Variants in RPGRIP1L observed in about 807,000 individuals in gnomAD.
RPGRIP1L encodes the protein RPGRIP1 like.
RPGRIP1L carries 131 observed loss-of-function variants against 160.4 expected under a neutral mutation model. That is an observed-to-expected ratio of 0.82 (90% CI 0.71 to 0.94). The LOEUF (loss-of-function observed/expected upper bound fraction) is 0.94, where lower values mean the gene tolerates loss of function less well. RPGRIP1L is among the 40% of genes least tolerant of loss of function. The pLI, the probability that RPGRIP1L is intolerant of heterozygous loss-of-function variation, is 0.00. For missense variants in RPGRIP1L, 1,522 were observed against 1,535.8 expected (o/e 0.99, Z 0.15); for synonymous variants, 510 against 515.8 (o/e 0.99, Z 0.15).
intron 24 of RPGRIP1L, among the ~76,000 whole-genome samples, chr16:53,616,632 G>A (rs2150956689): frequency 6.6e-6 from 1 of 152,222 alleles, no homozygotes. Flanking sequence ...GCTAAAAAAA[G>A]TATAGTAAAC....
intron 22 of RPGRIP1L, among the ~76,000 whole-genome samples, chr16:53,625,671 T>A (rs1351993285): frequency 6.6e-6 from 1 of 152,188 alleles, no homozygotes; most frequent in East Asian, 1.9e-4. Flanking sequence ...GAACGGGCCA[T>A]GATGAGGATG....
intron 22 of RPGRIP1L, among the ~76,000 whole-genome samples, chr16:53,622,938 G>A (rs183001680): frequency 6.6e-5 from 10 of 152,134 alleles, no homozygotes; most frequent in Admixed American, 5.2e-4. Context: ...GGTTGGGGCT[G>A]TAGGGAGCCA....
At chr16:53,674,580 G>T (rs1351667141) in intron 7 of RPGRIP1L, among the ~76,000 whole-genome samples, 2 of 152,006 alleles carry the variant, frequency 1.3e-5, no homozygotes, top group South Asian at 4.1e-4. Context: ...TCAAATAAAA[G>T]AAAGTTTTAA....
At chr16:53,692,026 A>G (rs774319171) in intron 4 of RPGRIP1L, 40 bp downstream of exon 4, 19 of 1,592,952 alleles carry the variant, frequency 1.2e-5, no homozygotes, top group Admixed American at 3.3e-5. Context: ...AAACAATCTA[A>G]TAAGACTTCA....
intron 9 of RPGRIP1L, among the ~76,000 whole-genome samples, chr16:53,665,423 C>G (rs1414276194): frequency 2.0e-5 from 3 of 152,136 alleles, no homozygotes; most frequent in Admixed American, 6.6e-5. Flanking sequence ...ATCTTTAATT[C>G]TGTGAAACTT....
chr16:53,652,136 C>T (rs567345402), intron 15 of RPGRIP1L, among the ~76,000 whole-genome samples: 7 of 152,154 alleles, frequency 4.6e-5, no homozygotes, highest in South Asian at 4.1e-4. Context: ...AGTGCAGTGG[C>T]GCCATCTCAG....
rs532587002 is a variant in RPGRIP1L at position 53,625,070 on chromosome 16, A to G, written c.3295-2714T>C. ...CGGAGTCTCGCTCACTCAGTGCTCAATGTTGCCCAGGCTGGAGTGCAGTGG... is the reference window on the plus strand; with the variant it reads ...CGGAGTCTCGCTCACTCAGTGCTCAGTGTTGCCCAGGCTGGAGTGCAGTGG... On this transcript the variant is annotated intron_variant, in intron 22 of 26. Transcript: ENST00000647211. 2.4e-3 allele frequency among the ~76,000 whole-genome samples: 361 copies of G among 151,128 alleles called. 4 individuals carry two copies. The highest frequency in any genetic ancestry group is 0.01 in the Middle Eastern group (3 of 290).
chr16:53,605,698 C>T lies in RPGRIP1L; in HGVS notation c.3702-84G>A, dbSNP rs112586321. On this transcript the variant is annotated intron_variant, in intron 25 of 26. Transcript: ENST00000647211. ...AAAACTCCCAAATGGGGTGTTATCA[C>T]TAGGTATAAAATGTTAAAGTTTCCA... 1.4e-4 allele frequency: 194 copies of T among 1,386,400 alleles called. No individual in the cohort carries two copies. In the African/African-American group the frequency reaches 2.3e-3, roughly 16 times the overall value. The allele number at this position is 1,386,400 out of a possible 1,614,324, so 85.9% of individuals were successfully genotyped here.
In RPGRIP1L at chr16:53,641,326, G is replaced by A. The variant is rs79833796; in HGVS notation, c.2833C>T (p.Gln945Ter). Residue 945 changes from glutamine (Q) to a stop codon, truncating the protein, a stop_gained, in exon 18 of 27, where the codon CAA becomes TAA. Coordinates refer to ENST00000647211, the MANE Select transcript of RPGRIP1L (RefSeq NM_015272.5). LOFTEE classifies it high-confidence loss of function. ...FIRSEEPEVV[Q>*]RLPPASSVST... ...ACAGAGGATGCTGGAGGAAGTCTTT[G>A]AACAACTTCTGGCTCTTCGCTGCGA... 1.2e-6 allele frequency: 2 copies of A among 1,613,998 alleles called. No individual in the cohort carries two copies. Among genetic ancestry groups the A allele is most frequent in the African/African-American group, 1.3e-5 (1 of 75,014 alleles).
intron 25 of RPGRIP1L, 68 bp from the exon 26 acceptor site, chr16:53,605,682 A>C (rs931780999): frequency 4.1e-5 from 62 of 1,523,938 alleles, no homozygotes; most frequent in Non-Finnish European, 5.2e-5. Flanking sequence ...CAAAACTCCC[A>C]AATGGGGTGT....
intron 25 of RPGRIP1L, among the ~76,000 whole-genome samples, chr16:53,607,314 A>G (rs1963752112): frequency 6.6e-6 from 1 of 152,218 alleles, no homozygotes; most frequent in African/African-American, 2.4e-5. Context: ...TAATATAGAT[A>G]GAGTTGCTTA....
intron 22 of RPGRIP1L, among the ~76,000 whole-genome samples, chr16:53,625,475 T>TGGG (rs368428748): frequency 3.4e-4 from 44 of 130,296 alleles, no homozygotes; most frequent in Admixed American, 8.1e-4. Context: ...ATCTGGGGGC[T>TGGG]GGGGGGGGCG....
At chr16:53,674,383 A>G (rs933764066) in intron 7 of RPGRIP1L, among the ~76,000 whole-genome samples, 3 of 152,146 alleles carry the variant, frequency 2.0e-5, no homozygotes. Flanking sequence ...CAGTGCCAAC[A>G]AATAGAAGCC....
rs539298381 is a variant in RPGRIP1L at position 53,599,387 on chromosome 16, A to G, written c.*2689T>C. 6.6e-6 allele frequency: 1 copy of G among 152,388 alleles called. No individual in the cohort carries two copies. The highest frequency in any genetic ancestry group is 1.9e-4 in the East Asian group (1 of 5,196). 9.4% of individuals were successfully genotyped at this position (152,388 alleles called of 1,614,324 possible). On this transcript the variant is annotated 3_prime_UTR_variant, in exon 27 of 27. Coordinates refer to ENST00000647211, the MANE Select transcript of RPGRIP1L (RefSeq NM_015272.5). The stretch of plus-strand genomic sequence containing the variant: ...ATGTTCTTTACGTAAACCACACTGT[A>G]AACCATAAAACTTATTTTTGTCAAC...
At chr16:53,686,678 G>T in intron 5 of RPGRIP1L, 102 bp from the exon 6 acceptor site, 2 of 1,257,256 alleles carry the variant, frequency 1.6e-6, no homozygotes, top group Non-Finnish European at 2.3e-6. Context: ...GCAAGCAGAA[G>T]TTAAAAAATT....
chr16:53,641,823 T>C lies in RPGRIP1L; in HGVS notation c.2684-348A>G, dbSNP rs1347843435. ...CAGACATTATTCAGAATTCTTAGCC[T>C]TCCTTCGTGAAGGCTCAAGTATCCT... On this transcript the variant is annotated intron_variant, in intron 17 of 26. Coordinates refer to ENST00000647211, the MANE Select transcript of RPGRIP1L (RefSeq NM_015272.5). Among the ~76,000 whole-genome samples the C allele has an allele frequency of 2.0e-5, 3 of 152,212 alleles. No individual in the cohort carries two copies. In the East Asian group the frequency reaches 5.8e-4, roughly 29 times the overall value.
At chr16:53,681,838 G>GT (rs1567874782) in intron 6 of RPGRIP1L, among the ~76,000 whole-genome samples, 1 of 152,164 alleles carries the variant, frequency 6.6e-6, no homozygotes, top group African/African-American at 2.4e-5. Flanking sequence ...TTACAACTAC[G>GT]TTAGGTTCAT....
chr16:53,688,733 G>A lies in RPGRIP1L; in HGVS notation c.530-768C>T, dbSNP rs974813684. The stretch of plus-strand genomic sequence containing the variant: ...CTTTAGAAAAGTTAACTTTTTAAAC[G>A]TGAGATTTCATTGCTCTGCATATTC... On this transcript the variant is annotated intron_variant, in intron 4 of 26. Transcript: ENST00000647211. Among the ~76,000 whole-genome samples the A allele has an allele frequency of 9.9e-5, 15 of 151,944 alleles. 1 individual carries two copies. The highest frequency in any genetic ancestry group is 3.9e-4 in the Admixed American group (6 of 15,268).
At chr16:53,696,045 G>T in intron 3 of RPGRIP1L, 106 bp downstream of exon 3, 1 of 1,131,614 alleles carries the variant, frequency 8.8e-7, no homozygotes, top group Non-Finnish European at 1.3e-6. Context: ...ATCCTGCCTT[G>T]TTCCAAACAA....
Sources: allele counts gnomAD v4.1 joint callset (sites outside exome capture counted in the v4.1 genomes callset), GRCh38; gene constraint gnomAD v4.1.1; transcripts MANE v1.5; gene names NCBI Gene and HGNC (gene_info 2026-07-23, HGNC 2026-07-21).